Variants in BRD7 observed in about 807,000 individuals in gnomAD.
The protein encoded by BRD7 is bromodomain containing 7, also known as bromodomain-containing protein 7.
Under a neutral mutation model 82.1 loss-of-function variants are expected in BRD7, and 15 were observed. The ratio of observed to expected loss-of-function variants is 0.18; its 90% CI spans 0.12 to 0.28. The LOEUF is 0.28. Among genes scored for constraint, BRD7 ranks in the 10% least tolerant of loss-of-function variants. The pLI, the probability that BRD7 is intolerant of heterozygous loss-of-function variation, is 1.00. For synonymous variants in BRD7, 232 were observed against 266.9 expected (o/e 0.87, Z 1.27); for missense variants, 638 against 779.9 (o/e 0.82, Z 2.17).
chr16:50,343,875 A>C (rs1451584958), intron 5 of BRD7, among the ~76,000 whole-genome samples: 1 of 152,208 alleles, frequency 6.6e-6, no homozygotes, highest in Non-Finnish European at 1.5e-5. Context: ...AAACTTCTGC[A>C]GACTTAAACG....
In BRD7 at chr16:50,368,894, G is replaced by T. The variant is rs1278573168; in HGVS notation, c.-120C>A. 2 of 533,178 alleles carry T rather than the reference G, an allele frequency of 3.8e-6. No homozygotes were observed. The highest frequency in any genetic ancestry group is 4.8e-6 in the Non-Finnish European group (2 of 412,944). The allele number at this position is 533,178 out of a possible 1,614,324, so 33.0% of individuals were successfully genotyped here. Reference sequence around the variant, plus strand: ...GGCCCGCGAGACCCCGCGCCGCGAGGCAGGGGGGCGGCGCGCGCCGGGCGG... The same window carrying T: ...GGCCCGCGAGACCCCGCGCCGCGAGTCAGGGGGGCGGCGCGCGCCGGGCGG... On this transcript the variant is annotated 5_prime_UTR_variant, in exon 1 of 17. Transcript: ENST00000394688.
chr16:50,343,546 C>G (rs1296234181), intron 5 of BRD7, among the ~76,000 whole-genome samples: 4 of 152,224 alleles, frequency 2.6e-5, no homozygotes, highest in Non-Finnish European at 5.9e-5. Flanking sequence ...GGGGAATTCC[C>G]TTTCCTAGCC....
intron 6 of BRD7, among the ~76,000 whole-genome samples, chr16:50,339,659 CT>C (rs2037965008): frequency 6.6e-6 from 1 of 152,152 alleles, no homozygotes; most frequent in South Asian, 2.1e-4. Context: ...GAGAGCTTTC[CT>C]CTTCAGAGTT....
chr16:50,360,426 C>T (rs1471945464), intron 2 of BRD7, among the ~76,000 whole-genome samples: 1 of 152,152 alleles, frequency 6.6e-6, no homozygotes, highest in South Asian at 2.1e-4. Flanking sequence ...ATTTTAGAAT[C>T]CAATGAAAAA....
At chr16:50,356,407 A>G (rs749162013) in intron 2 of BRD7, among the ~76,000 whole-genome samples, 39 of 152,230 alleles carry the variant, frequency 2.6e-4, no homozygotes, top group Non-Finnish European at 4.9e-4. Flanking sequence ...TAAAAGGAAA[A>G]TAGATTAATA....
chr16:50,368,467 G>A, intron 1 of BRD7, 169 bp from the exon 2 acceptor site: 3 of 836,252 alleles, frequency 3.6e-6, no homozygotes, highest in South Asian at 1.9e-5. Flanking sequence ...CGGCGGCGCC[G>A]CCCGCCCCGA....
chr16:50,359,811 A>T (rs1254695119), intron 2 of BRD7, among the ~76,000 whole-genome samples: 1 of 151,360 alleles, frequency 6.6e-6, no homozygotes, highest in Non-Finnish European at 1.5e-5. Context: ...TTCCATGAGG[A>T]AGTAACATCT....
intron 2 of BRD7, among the ~76,000 whole-genome samples, chr16:50,355,450 G>T (rs185134707): frequency 1.6e-4 from 24 of 152,322 alleles, no homozygotes; most frequent in African/African-American, 5.8e-4. Context: ...AAGATGATAC[G>T]TCTTACCAGA....
intron 8 of BRD7, 134 bp from the exon 9 acceptor site, chr16:50,328,878 C>A: frequency 1.5e-6 from 1 of 672,914 alleles, no homozygotes; most frequent in South Asian, 1.9e-5. Context: ...TTTACATATA[C>A]ATAATGAGAT....
rs569555856 is a variant in BRD7 at position 50,323,490 on chromosome 16, C to T, written c.1443+97G>A. ...TGTCTTTCAGGGCCACAGAGTTCAG[C>T]TGTCATACTTGTTAATCCCATGGTT... On this transcript the variant is annotated intron_variant, in intron 12 of 16. Coordinates refer to ENST00000394688, the MANE Select transcript of BRD7 (RefSeq NM_013263.5). 69 of 1,027,762 alleles carry T rather than the reference C, an allele frequency of 6.7e-5. 1 individual carries two copies. The highest frequency in any genetic ancestry group is 8.7e-5 in the Non-Finnish European group (59 of 675,848). 63.7% of individuals were successfully genotyped at this position (1,027,762 alleles called of 1,614,324 possible). A position where few individuals can be genotyped will look rare whatever the true frequency, so the allele number is the denominator to read the frequency against.
intron 5 of BRD7, 120 bp from the exon 6 acceptor site, chr16:50,340,206 A>C (rs951554392): frequency 4.1e-6 from 2 of 491,778 alleles, no homozygotes; most frequent in Non-Finnish European, 7.3e-6. Flanking sequence ...TTCTTTATTT[A>C]CTAAACAATA....
intron 5 of BRD7, among the ~76,000 whole-genome samples, chr16:50,346,274 G>A (rs1211349928): frequency 6.6e-6 from 1 of 152,214 alleles, no homozygotes; most frequent in Non-Finnish European, 1.5e-5. Flanking sequence ...AAAGCAGTGT[G>A]TAGAGGGAAA....
At chr16:50,324,183 G>A (rs1418026773) in intron 11 of BRD7, among the ~76,000 whole-genome samples, 1 of 152,070 alleles carries the variant, frequency 6.6e-6, no homozygotes, top group Non-Finnish European at 1.5e-5. Context: ...AATAGCAACT[G>A]CAGTCTTCCA....
intron 4 of BRD7, among the ~76,000 whole-genome samples, chr16:50,352,426 T>A (rs2038565456): frequency 6.6e-6 from 1 of 152,218 alleles, no homozygotes; most frequent in Non-Finnish European, 1.5e-5. Context: ...CATACCACAT[T>A]TTAAAAAATG....
In BRD7 at chr16:50,351,823, G is replaced by A. The variant is rs543879658; in HGVS notation, c.447-1656C>T. On this transcript the variant is annotated intron_variant, in intron 4 of 16. Transcript: ENST00000394688. ...ACATACATATATACAAGGATACTTC[G>A]GTGTATCCTTGTATGTATGTATGTA... Among the ~76,000 whole-genome samples the A allele has an allele frequency of 6.6e-5, 10 of 151,898 alleles. No individual in the cohort carries two copies. In the East Asian group the frequency reaches 1.7e-3, roughly 26 times the overall value.
At chr16:50,319,502 A>C (rs1218011359) in intron 16 of BRD7, among the ~76,000 whole-genome samples, 1 of 152,240 alleles carries the variant, frequency 6.6e-6, no homozygotes, top group African/African-American at 2.4e-5. Context: ...TTATACATTA[A>C]AAACAGATAA....
chr16:50,349,041 T>C (rs561552270), intron 5 of BRD7: 1 of 152,826 alleles, frequency 6.5e-6, no homozygotes, highest in East Asian at 1.9e-4. Flanking sequence ...ATTAAGAAAA[T>C]GTGGCACATA....
At chr16:50,360,976 T>A (rs1455819942) in intron 2 of BRD7, among the ~76,000 whole-genome samples, 1 of 152,188 alleles carries the variant, frequency 6.6e-6, no homozygotes, top group Non-Finnish European at 1.5e-5. Context: ...ATGGCACAAG[T>A]CAATGAACTG....
At chr16:50,360,534 A>G (rs1861541) in intron 2 of BRD7, among the ~76,000 whole-genome samples, 152,300 of 152,304 alleles carry the variant, frequency 1, 76,148 homozygotes, top group Non-Finnish European at 1. Flanking sequence ...GCTTTCCCCT[A>G]GCTGCCCACG....
Sources: gnomAD v4.1 joint callset for allele counts (sites outside exome capture counted in the v4.1 genomes callset) on GRCh38, gnomAD v4.1.1 for gene constraint, MANE v1.5 for transcripts, NCBI Gene and HGNC (gene_info 2026-07-23, HGNC 2026-07-21) for gene names.